The following AGTPBP1 variants were observed in gnomAD, a reference collection of about 807,000 sequenced individuals.
The protein encoded by AGTPBP1 is ATP/GTP binding carboxypeptidase 1.
In AGTPBP1, 70 loss-of-function variants were observed where a neutral mutation model predicts 143.9. That is an observed-to-expected ratio of 0.49 (90% CI 0.40 to 0.59). The LOEUF (loss-of-function observed/expected upper bound fraction) is 0.59. Ranked by LOEUF, AGTPBP1 falls within the 20% of genes least tolerant of loss-of-function variation. The pLI is 0.00. For missense variants in AGTPBP1, 1,229 were observed against 1,464.5 expected, an observed-to-expected ratio of 0.84 and a Z score of 2.62; for synonymous variants, 463 against 500.2, an observed-to-expected ratio of 0.93 and a Z score of 0.99.
intron 18 of AGTPBP1, among the ~76,000 whole-genome samples, chr9:85,593,513 G>A (rs987998570): frequency 2.6e-5 from 4 of 152,108 alleles, no homozygotes; most frequent in African/African-American, 9.7e-5. Flanking sequence ...CTGAACATTG[G>A]ATATTTCATC....
chr9:85,771,352 T>A, the AGTPBP1 span, among the ~76,000 whole-genome samples: 2 of 152,138 alleles, frequency 1.3e-5, no homozygotes, highest in African/African-American at 2.4e-5. Context: ...AGCATACACC[T>A]GTAGTCCCAG....
chr9:85,712,699 T>G, intron 1 of AGTPBP1, 133 bp from the exon 2 acceptor site: 1 of 414,270 alleles, frequency 2.4e-6, no homozygotes, highest in Non-Finnish European at 4.2e-6. Context: ...AAAGAGAACA[T>G]TTGAGTTCTA....
chr9:85,689,666 C>T (rs561268633), intron 3 of AGTPBP1, among the ~76,000 whole-genome samples: 5 of 151,656 alleles, frequency 3.3e-5, no homozygotes, highest in Admixed American at 2.6e-4. Context: ...AGGCCGAGAC[C>T]GGCAGATCGC....
chr9:85,662,517 T>C (rs145728633), intron 8 of AGTPBP1, among the ~76,000 whole-genome samples: 336 of 152,244 alleles, frequency 2.2e-3, no homozygotes, highest in African/African-American at 7.7e-3. Context: ...AGCTTTTAAA[T>C]TGGTCAAAAT....
intron 3 of AGTPBP1, among the ~76,000 whole-genome samples, chr9:85,688,794 A>G (rs1835658122): frequency 6.6e-6 from 1 of 152,196 alleles, no homozygotes; most frequent in African/African-American, 2.4e-5. Context: ...TTGGTTTTTT[A>G]TATCATTTAA....
the AGTPBP1 span, among the ~76,000 whole-genome samples, chr9:85,754,698 A>G: frequency 6.6e-6 from 1 of 152,084 alleles, no homozygotes; most frequent in African/African-American, 2.4e-5. Flanking sequence ...AATTATCTCT[A>G]CCTTACTTTA....
intron 2 of AGTPBP1, among the ~76,000 whole-genome samples, chr9:85,704,863 A>C (rs1836883462): frequency 6.6e-6 from 1 of 152,202 alleles, no homozygotes; most frequent in Non-Finnish European, 1.5e-5. Flanking sequence ...CTAGTCACTT[A>C]AAAAATATTA....
chr9:85,774,635 C>G, the AGTPBP1 span, among the ~76,000 whole-genome samples: 13 of 152,164 alleles, frequency 8.5e-5, no homozygotes, highest in Non-Finnish European at 1.5e-4. Flanking sequence ...GGCCAGTATA[C>G]AAACAGCTAC....
Position 85,705,422 on chromosome 9 carries a change from ATCC to A in AGTPBP1, c.32+7077_32+7079del, listed in dbSNP as rs1836921014. ...CCAAGAGTGGTGGCTCACACCGGTA[ATCC>A]CAGCACTTTGGGAAGCTGAGGCAAG... is the stretch of plus-strand genomic sequence containing the variant. On this transcript the variant is annotated intron_variant, in intron 2 of 25. Transcript: ENST00000357081. Among the ~76,000 whole-genome samples, 2 of 152,180 alleles carry A rather than the reference ATCC, an allele frequency of 1.3e-5. 1 individual carries two copies. Among genetic ancestry groups the A allele is most frequent in the Admixed American group, 1.3e-4 (2 of 15,268 alleles).
intron 12 of AGTPBP1, among the ~76,000 whole-genome samples, chr9:85,645,900 T>A (rs534358522): frequency 1.3e-4 from 20 of 152,174 alleles, no homozygotes; most frequent in African/African-American, 4.3e-4. Context: ...AACTGAAACC[T>A]AAGAATCATT....
chr9:85,744,284 CAACT>C (rs1295768369), upstream of AGTPBP1, among the ~76,000 whole-genome samples: 1 of 152,144 alleles, frequency 6.6e-6, no homozygotes, highest in African/African-American at 2.4e-5. Flanking sequence ...CTTAATTGAA[CAACT>C]AGGTTTTAAT....
chr9:85,609,691 A>G (rs1235242312), intron 17 of AGTPBP1, among the ~76,000 whole-genome samples: 3 of 152,198 alleles, frequency 2.0e-5, no homozygotes, highest in Admixed American at 1.3e-4. Flanking sequence ...TGTGCCAAAA[A>G]GCAAGGGCAC....
chr9:85,697,969 C>T (rs913845756), intron 2 of AGTPBP1, among the ~76,000 whole-genome samples: 1 of 152,126 alleles, frequency 6.6e-6, no homozygotes, highest in Non-Finnish European at 1.5e-5. Context: ...AGAGAGCAAA[C>T]ACATCTTTTT....
chr9:85,705,567 A>G (rs1051729893), intron 2 of AGTPBP1, among the ~76,000 whole-genome samples: 7 of 152,208 alleles, frequency 4.6e-5, no homozygotes, highest in African/African-American at 1.4e-4. Context: ...ATGATACTAT[A>G]TATTATTTAA....
intron 25 of AGTPBP1, among the ~76,000 whole-genome samples, chr9:85,574,711 C>G (rs1827784201): frequency 1.4e-5 from 2 of 142,110 alleles, no homozygotes; most frequent in Admixed American, 7.1e-5. Flanking sequence ...GACTCTAAGC[C>G]TTTTTTTTTT....
intron 17 of AGTPBP1, among the ~76,000 whole-genome samples, chr9:85,602,237 A>T (rs1829719772): frequency 6.6e-6 from 1 of 152,224 alleles, no homozygotes; most frequent in African/African-American, 2.4e-5. Flanking sequence ...ACAGATAAAC[A>T]ATACAAAGAA....
At chr9:85,732,600 CAAAG>C (rs1210449302) in intron 1 of AGTPBP1, among the ~76,000 whole-genome samples, 2 of 151,932 alleles carry the variant, frequency 1.3e-5, no homozygotes, top group African/African-American at 4.8e-5. Context: ...ATATAAAAAA[CAAAG>C]AACAGAAATA....
chr9:85,585,299 A>G (rs1388558239), intron 23 of AGTPBP1, among the ~76,000 whole-genome samples, 164 bp downstream of exon 23: 2 of 152,228 alleles, frequency 1.3e-5, no homozygotes, highest in Admixed American at 1.3e-4. Flanking sequence ...TTAATTCCAA[A>G]TAGATGAAAA....
At chr9:85,554,601 G>A (rs1826220624) in intron 25 of AGTPBP1, among the ~76,000 whole-genome samples, 1 of 152,152 alleles carries the variant, frequency 6.6e-6, no homozygotes, top group African/African-American at 2.4e-5. Context: ...TCTGGACTCA[G>A]GCAATCTGCC....
Sources: gnomAD v4.1 joint callset for allele counts (sites outside exome capture counted in the v4.1 genomes callset) on GRCh38, gnomAD v4.1.1 for gene constraint, MANE v1.5 for transcripts, NCBI Gene and HGNC (gene_info 2026-07-23, HGNC 2026-07-21) for gene names.